The following LYPD6 variants were observed in gnomAD, a reference collection of about 807,000 sequenced individuals.
LYPD6 encodes LY6/PLAUR domain containing 6, also known as ly6/PLAUR domain-containing protein 6.
In LYPD6, 15 loss-of-function variants were observed where a neutral mutation model predicts 22.7. The observed-to-expected ratio is 0.66, with a 90% confidence interval of 0.44 to 1.02. LYPD6 has a LOEUF of 1.02. LYPD6 is among the 50% of genes least tolerant of loss of function. LYPD6 has a pLI of 0.00. For missense variants in LYPD6, 189 were observed against 208.4 expected, an observed-to-expected ratio of 0.91 and a Z score of 0.57; for synonymous variants, 72 against 77.5, an observed-to-expected ratio of 0.93 and a Z score of 0.37.
At chr2:149,429,376 A>T (rs966723964) in intron 1 of LYPD6, among the ~76,000 whole-genome samples, 16 of 152,332 alleles carry the variant, frequency 1.1e-4, no homozygotes, top group African/African-American at 3.8e-4. Context: ...AGGGATGAAA[A>T]TTCCTGAAAA....
chr2:149,354,889 A>G (rs1464317248), intron 1 of LYPD6, among the ~76,000 whole-genome samples: 1 of 152,136 alleles, frequency 6.6e-6, no homozygotes, highest in East Asian at 1.9e-4. Flanking sequence ...ACTCACTCAC[A>G]ATGTGCAGAT....
At chr2:149,424,044 G>A (rs1198434073) in intron 1 of LYPD6, among the ~76,000 whole-genome samples, 2 of 152,040 alleles carry the variant, frequency 1.3e-5, no homozygotes, top group Non-Finnish European at 2.9e-5. Context: ...TCTCAAGATG[G>A]CTTTATCTTC....
chr2:149,482,636 C>T, the LYPD6 span, among the ~76,000 whole-genome samples: 1 of 152,144 alleles, frequency 6.6e-6, no homozygotes, highest in Non-Finnish European at 1.5e-5. Flanking sequence ...TTTATGTTAG[C>T]TAGGGTCAGT....
the LYPD6 span, among the ~76,000 whole-genome samples, chr2:149,479,471 C>G: frequency 6.6e-6 from 1 of 152,310 alleles, no homozygotes. Flanking sequence ...ACTTCTCAAA[C>G]TCAAGCACCT....
chr2:149,376,304 T>G (rs1335142338), intron 1 of LYPD6, among the ~76,000 whole-genome samples: 1 of 152,206 alleles, frequency 6.6e-6, no homozygotes, highest in Non-Finnish European at 1.5e-5. Flanking sequence ...ACTGTGCATA[T>G]CTATTTGTAT....
chr2:149,415,168 T>C (rs1298915607), intron 1 of LYPD6, among the ~76,000 whole-genome samples: 2 of 152,102 alleles, frequency 1.3e-5, no homozygotes, highest in Admixed American at 6.5e-5. Context: ...TATAAATATA[T>C]GGAACCCTAC....
intron 1 of LYPD6, among the ~76,000 whole-genome samples, chr2:149,350,626 A>G (rs1681340681): frequency 6.6e-6 from 1 of 152,182 alleles, no homozygotes; most frequent in Non-Finnish European, 1.5e-5. Flanking sequence ...CTATGTATGT[A>G]CTTTCCAATA....
intron 1 of LYPD6, among the ~76,000 whole-genome samples, chr2:149,383,877 C>T (rs1682123390): frequency 6.6e-6 from 1 of 152,174 alleles, no homozygotes; most frequent in Non-Finnish European, 1.5e-5. Context: ...ATATTTGCCC[C>T]TAAGGATCTA....
chr2:149,393,394 A>T (rs571891111), intron 1 of LYPD6, among the ~76,000 whole-genome samples: 1 of 152,294 alleles, frequency 6.6e-6, no homozygotes, highest in East Asian at 1.9e-4. Flanking sequence ...GAGTGTGTGA[A>T]TTAAAAGCTC....
At position 149,470,993 on chromosome 2, in the gene LYPD6, C is replaced by A; in HGVS notation, c.*143C>A. ...CATCACAGCCAAGCATTGCCACTTACCATGAGGAATAAATGTTGCTTCATT... is the reference window on the plus strand; with the variant it reads ...CATCACAGCCAAGCATTGCCACTTAACATGAGGAATAAATGTTGCTTCATT... On this transcript the variant is annotated 3_prime_UTR_variant, in exon 5 of 5. Transcript: ENST00000334166. The A allele has an allele frequency of 2.9e-6, 2 of 697,560 alleles. No individual in the cohort carries two copies. Among genetic ancestry groups the A allele is most frequent in the East Asian group, 2.6e-5 (1 of 38,284 alleles). 43.2% of individuals were successfully genotyped at this position (697,560 alleles called of 1,614,324 possible).
At chr2:149,448,916 T>C (rs1335019413) in intron 2 of LYPD6, 133 bp from the exon 3 acceptor site, 1 of 636,338 alleles carries the variant, frequency 1.6e-6, no homozygotes, top group Admixed American at 3.0e-5. Flanking sequence ...CTGGGTCATA[T>C]GGTAGTTGAA....
intron 1 of LYPD6, among the ~76,000 whole-genome samples, chr2:149,385,219 G>A (rs758000459): frequency 6.6e-6 from 1 of 152,004 alleles, no homozygotes; most frequent in Non-Finnish European, 1.5e-5. Context: ...GTGTTCATTA[G>A]CGCCTGATGT....
intron 1 of LYPD6, among the ~76,000 whole-genome samples, chr2:149,421,871 A>G (rs1683088678): frequency 6.6e-6 from 1 of 152,044 alleles, no homozygotes; most frequent in Admixed American, 6.5e-5. Flanking sequence ...TTCAAATTTG[A>G]GAAGGTCTGC....
intron 1 of LYPD6, among the ~76,000 whole-genome samples, chr2:149,372,542 A>C (rs1383245242): frequency 2.0e-5 from 3 of 152,120 alleles, no homozygotes; most frequent in Non-Finnish European, 4.4e-5. Context: ...AAATTAACAA[A>C]CTATTTTGGG....
At chr2:149,374,245 G>C (rs1187266938) in intron 1 of LYPD6, among the ~76,000 whole-genome samples, 1 of 152,280 alleles carries the variant, frequency 6.6e-6, no homozygotes, top group East Asian at 1.9e-4. Flanking sequence ...AAAATACATA[G>C]ACTGAGAAAA....
rs903682308 is a variant in LYPD6, at chr2:149,471,163, A to G, written c.*313A>G. 12 of 225,712 alleles carry G rather than the reference A, an allele frequency of 5.3e-5. No homozygotes were observed. The highest frequency in any genetic ancestry group is 9.7e-5 in the Non-Finnish European group (11 of 113,552). The allele number at this position is 225,712 out of a possible 1,614,324, so 14.0% of individuals were successfully genotyped here. A position where few individuals can be genotyped will look rare whatever the true frequency, so the allele number is the denominator to read the frequency against. On this transcript the variant is annotated 3_prime_UTR_variant, in exon 5 of 5. Coordinates refer to ENST00000334166, the MANE Select transcript of LYPD6 (RefSeq NM_194317.5). ...GTTCTTAATTTGGAAGAATACATGC[A>G]TGAGATGCAGTAGGTCCTGAGACTG...
At chr2:149,470,388 G>T (rs532753643) in intron 4 of LYPD6, among the ~76,000 whole-genome samples, 1 of 152,128 alleles carries the variant, frequency 6.6e-6, no homozygotes, top group African/African-American at 2.4e-5. Context: ...TTTTAAGGGC[G>T]AAAGAACTGA....
intron 1 of LYPD6, among the ~76,000 whole-genome samples, chr2:149,373,315 T>C (rs1681851984): frequency 6.6e-6 from 1 of 152,160 alleles, no homozygotes; most frequent in Non-Finnish European, 1.5e-5. Flanking sequence ...TAGATGAGTC[T>C]GGAGTCAGAA....
At chr2:149,349,976 A>C (rs888340422) in intron 1 of LYPD6, among the ~76,000 whole-genome samples, 4 of 152,200 alleles carry the variant, frequency 2.6e-5, no homozygotes, top group African/African-American at 9.7e-5. Flanking sequence ...TGTTACCTAG[A>C]GGCAGATTAT....
Sources: allele counts gnomAD v4.1 joint callset (sites outside exome capture counted in the v4.1 genomes callset), GRCh38; gene constraint gnomAD v4.1.1; transcripts MANE v1.5; gene names NCBI Gene and HGNC (gene_info 2026-07-23, HGNC 2026-07-21).